The following PCID2 variants were observed in gnomAD, a reference collection of about 807,000 sequenced individuals.
The protein encoded by PCID2 is PCI domain containing 2.
A neutral mutation model predicts 61.3 loss-of-function variants in PCID2; 41 were observed. That is an observed-to-expected ratio of 0.67 (90% confidence interval 0.52 to 0.87). PCID2 has a LOEUF of 0.87. PCID2 is among the 40% of genes least tolerant of loss of function. The pLI is 0.00. For missense variants in PCID2, 392 were observed against 493.4 expected (o/e 0.79, Z 1.95); for synonymous variants, 187 against 177.8 (o/e 1.05, Z -0.41).
rs566851404 is a variant in PCID2 at position 113,178,125 on chromosome 13, C to T, written c.*73G>A. 103 of 1,090,600 alleles carry T rather than the reference C, an allele frequency of 9.4e-5. No individual in the cohort carries two copies. The African/African-American group carries it at 9.6e-4, about 10-fold the overall frequency. The allele number at this position is 1,090,600 out of a possible 1,614,324, so 67.6% of individuals were successfully genotyped here. A position where few individuals can be genotyped will look rare whatever the true frequency, so the allele number is the denominator to read the frequency against. ...GCTTCAGGGAGCCTTGTTGCAGTACCGGACCGGTCTCATCAGCACAACCAA... is the reference window on the plus strand; with the variant it reads ...GCTTCAGGGAGCCTTGTTGCAGTACTGGACCGGTCTCATCAGCACAACCAA... On this transcript the variant is annotated 3_prime_UTR_variant, in exon 14 of 14. Transcript: ENST00000337344.
At chr13:113,198,837 T>C (rs548185204) in intron 2 of PCID2, among the ~76,000 whole-genome samples, 2 of 152,364 alleles carry the variant, frequency 1.3e-5, no homozygotes, top group East Asian at 3.9e-4. Flanking sequence ...CACTTTCATA[T>C]ACATTTCAGT....
At chr13:113,165,007 T>G in the PCID2 span, 26 of 1,579,834 alleles carry the variant, frequency 1.6e-5, no homozygotes, top group Admixed American at 8.3e-5. Flanking sequence ...CGATATTCGC[T>G]GAGAAGGCGC....
intron 7 of PCID2, chr13:113,187,658 T>C (rs913256580): frequency 3.3e-5 from 5 of 152,194 alleles, no homozygotes; most frequent in African/African-American, 1.2e-4. Flanking sequence ...GTTTGGAAGA[T>C]TTTTCAAATT....
chr13:113,180,106 T>C (rs889708606), intron 11 of PCID2, 52 bp downstream of exon 11: 189 of 1,613,462 alleles, frequency 1.2e-4, no homozygotes, highest in Middle Eastern at 3.3e-4. Flanking sequence ...ACGTCAACTC[T>C]CATCAGGCTT....
intron 6 of PCID2, among the ~76,000 whole-genome samples, chr13:113,192,726 A>G (rs2138821033): frequency 6.6e-6 from 1 of 152,288 alleles, no homozygotes; most frequent in Admixed American, 6.5e-5. Context: ...GGTTTTTAAC[A>G]GTGGTATATC....
In PCID2 at chr13:113,208,294, G is replaced by A. The variant is rs1359282373; in HGVS notation, c.36+305C>T. ...CAGGCCCTTCGGACCGCCTGGGAGC[G>A]CGGCCACACGTGCCAGCAAGTGAGG... On this transcript the variant is annotated intron_variant, in intron 1 of 13. Coordinates refer to ENST00000337344, the MANE Select transcript of PCID2 (RefSeq NM_001127202.4). 6 of 1,431,460 alleles carry A rather than the reference G, an allele frequency of 4.2e-6. No individual in the cohort carries two copies. The African/African-American group carries it at 8.6e-5, about 21-fold the overall frequency. 88.7% of individuals were successfully genotyped at this position (1,431,460 alleles called of 1,614,324 possible).
At chr13:113,190,754 TATA>T in intron 7 of PCID2, 115 bp downstream of exon 7, 1 of 521,294 alleles carries the variant, frequency 1.9e-6, no homozygotes. Flanking sequence ...GTTGTGGGAT[TATA>T]GCATGTGTAG....
chr13:113,196,066 A>T, intron 5 of PCID2, 115 bp downstream of exon 5: 2 of 758,256 alleles, frequency 2.6e-6, no homozygotes, highest in Admixed American at 1.8e-5. Context: ...CAACACACTG[A>T]TTACCAAATA....
At chr13:113,186,917 G>A (rs576030395) in intron 7 of PCID2, 2 of 152,314 alleles carry the variant, frequency 1.3e-5, no homozygotes, top group East Asian at 3.9e-4. Context: ...ACAAGCCACA[G>A]AACATAAAAT....
chr13:113,191,421 T>C (rs1412090004), intron 6 of PCID2, among the ~76,000 whole-genome samples: 2 of 152,162 alleles, frequency 1.3e-5, no homozygotes, highest in African/African-American at 2.4e-5. Context: ...GCATGTACTA[T>C]AATATTTTTA....
downstream of PCID2, among the ~76,000 whole-genome samples, chr13:113,173,306 C>T (rs571852262): frequency 2.0e-5 from 3 of 152,336 alleles, no homozygotes; most frequent in Admixed American, 6.5e-5. Flanking sequence ...CCCAGTGAAA[C>T]GTCCTTGGAG....
chr13:113,203,983 G>A (rs965652982), intron 1 of PCID2, among the ~76,000 whole-genome samples: 1 of 152,254 alleles, frequency 6.6e-6, no homozygotes, highest in Non-Finnish European at 1.5e-5. Flanking sequence ...AGCCCCAACA[G>A]ACTCCAACCT....
chr13:113,170,561 C>A, the PCID2 span: 2 of 1,317,398 alleles, frequency 1.5e-6, no homozygotes, highest in Non-Finnish European at 2.2e-6. Context: ...TTTTATAAAA[C>A]CACATTGGAA....
chr13:113,205,989 A>C (rs544394229), intron 1 of PCID2, among the ~76,000 whole-genome samples: 1 of 152,244 alleles, frequency 6.6e-6, no homozygotes, highest in African/African-American at 2.4e-5. Context: ...TGCATTCAGC[A>C]TAAGTGAAAT....
rs1482325043 is a variant in PCID2 at position 113,181,162 on chromosome 13, G to C, written c.754C>G (p.Leu252Val). 6.2e-7 allele frequency: 1 copy of C among 1,612,400 alleles called. No homozygotes were observed. The highest frequency in any genetic ancestry group is 2.2e-5 in the East Asian group (1 of 44,876). The change falls in exon 10 of 14, where the codon CTG becomes GTG. Residue 252 changes from leucine to valine, a missense_variant. Around this residue, in one of 3 missense-constraint regions of PCID2, gnomAD observed 226 missense variants for 296.5 expected, o/e 0.76. Transcript: ENST00000337344. ...RSSQKNKRMI[L>V]IYLLPVKMLL... ...ATTTTTACTGGAAGCAAATAGATCA[G>C]AATCATCCTTTTGTTCTTCTGACTA...
intron 3 of PCID2, among the ~76,000 whole-genome samples, chr13:113,197,616 G>C (rs1193093194): frequency 1.3e-5 from 2 of 152,212 alleles, no homozygotes; most frequent in Non-Finnish European, 2.9e-5. Context: ...ACAGAGCTAG[G>C]AAATCACAGG....
Position 113,195,072 on chromosome 13 carries a change from T to C in PCID2, c.362A>G (p.Asn121Ser), listed in dbSNP as rs1202521877. 1.9e-6 allele frequency: 3 copies of C among 1,598,262 alleles called. No individual in the cohort carries two copies. Among genetic ancestry groups the C allele is most frequent in the Non-Finnish European group, 2.6e-6 (3 of 1,165,506 alleles). Reference sequence around the variant, plus strand: ...ATAATGACAGCAAATTAAACTTACATTATTGGCAAACACTCGAAGGTCAAG... The same window carrying C: ...ATAATGACAGCAAATTAAACTTACACTATTGGCAAACACTCGAAGGTCAAG... ...VALDLRVFAN[N>S]ADQQLVKKGK... is the part of the protein sequence containing the mutation. The change falls in exon 6 of 14, where the codon AAT (asparagine) becomes AGT (serine). Residue 121 changes from asparagine (N) to serine (S), a missense_variant and splice_region_variant. Physicochemically the swap from Asn to Ser is conservative, Grantham distance 46. Coordinates refer to ENST00000337344, the MANE Select transcript of PCID2 (RefSeq NM_001127202.4).
chr13:113,185,584 A>T lies in PCID2; in HGVS notation c.468-24T>A, dbSNP rs141331526. ...GGCTATGGGGAAATAATTTTTTTTAAGTTACATAGGAAATAAAAATTTTAT... is the reference window on the plus strand; with the variant it reads ...GGCTATGGGGAAATAATTTTTTTTATGTTACATAGGAAATAAAAATTTTAT... On this transcript the variant is annotated intron_variant, in intron 7 of 13. Coordinates refer to ENST00000337344, the MANE Select transcript of PCID2 (RefSeq NM_001127202.4). 1.4e-3 allele frequency: 2,038 copies of T among 1,475,004 alleles called. 9 individuals carry two copies. In the African/African-American group the frequency reaches 0.017, roughly 12 times the overall value. The allele number at this position is 1,475,004 out of a possible 1,614,324, so 91.4% of individuals were successfully genotyped here.
At chr13:113,203,499 G>C (rs1401758427) in intron 1 of PCID2, among the ~76,000 whole-genome samples, 2 of 152,208 alleles carry the variant, frequency 1.3e-5, no homozygotes, top group African/African-American at 4.8e-5. Flanking sequence ...GAAAGGGTTA[G>C]GTTTCCTCTT....
Sources: gnomAD v4.1 joint callset for allele counts (sites outside exome capture counted in the v4.1 genomes callset) on GRCh38, gnomAD v4.1.1 for gene constraint, gnomAD v4.1.1 regional missense constraint, MANE v1.5 for transcripts, NCBI Gene and HGNC (gene_info 2026-07-23, HGNC 2026-07-21) for gene names.